TFDP2: variants seen among roughly 807,000 people sequenced by gnomAD.
The protein encoded by TFDP2 is transcription factor Dp-2, also known as transcription factor Dp-2 (E2F dimerization partner 2).
A neutral mutation model predicts 59.3 loss-of-function variants in TFDP2; 17 were observed. The observed-to-expected ratio is 0.29, with a 90% CI of 0.20 to 0.43. The LOEUF is 0.43. Ranked by LOEUF, TFDP2 falls within the 20% of genes least tolerant of loss-of-function variation. TFDP2 has a pLI of 1.00. For synonymous variants in TFDP2, 180 were observed against 194.7 expected, an observed-to-expected ratio of 0.92 and a Z score of 0.63; for missense variants, 391 against 528.8, an observed-to-expected ratio of 0.74 and a Z score of 2.56.
rs747400660 is a variant in TFDP2 at position 141,952,960 on chromosome 3, A to T, written c.1108T>A (p.Ser370Thr). 1.5e-5 allele frequency: 25 copies of T among 1,613,966 alleles called. No individual in the cohort carries two copies. The highest frequency in any genetic ancestry group is 1.7e-5 in the Non-Finnish European group (20 of 1,180,018). Reference sequence around the variant, plus strand: ...GTGGTCAGGTCTAAATTTGAAACTGATTGGGTAGAGTTCAGAAGTAGTCCC... The same window carrying T: ...GTGGTCAGGTCTAAATTTGAAACTGTTTGGGTAGAGTTCAGAAGTAGTCCC... Reference protein sequence around the residue: ...NQGLLLNSTQSVSNLDLTTGA... With the variant: ...NQGLLLNSTQTVSNLDLTTGA... The change falls in exon 12 of 13, where the codon TCA becomes ACA. Residue 370 changes from serine (S) to threonine (T), a missense_variant. Transcript: ENST00000489671.
intron 3 of TFDP2, among the ~76,000 whole-genome samples, chr3:142,017,938 T>TTTTATTTATTTATTTA (rs374321449): frequency 3.3e-5 from 5 of 151,294 alleles, no homozygotes; most frequent in South Asian, 2.1e-4. Context: ...TGCCTCAATA[T>TTTTATTTATTTATTTA]TTTATTTATT....
chr3:142,012,522 C>A (rs1407494104), intron 3 of TFDP2, among the ~76,000 whole-genome samples: 1 of 152,062 alleles, frequency 6.6e-6, no homozygotes, highest in Non-Finnish European at 1.5e-5. Context: ...TGGAGAAAAG[C>A]AAAGACCTAC....
chr3:142,074,830 C>T (rs943564425), intron 3 of TFDP2, among the ~76,000 whole-genome samples: 6 of 152,022 alleles, frequency 3.9e-5, no homozygotes, highest in South Asian at 2.1e-4. Flanking sequence ...CCAGCGTGGG[C>T]GACAGAGTGA....
chr3:142,111,411 G>C (rs2061655680), intron 1 of TFDP2, among the ~76,000 whole-genome samples: 1 of 131,340 alleles, frequency 7.6e-6, no homozygotes, highest in South Asian at 2.5e-4. Context: ...CTGGCCGACA[G>C]AGTTAGACTC....
rs890303783 is a variant in TFDP2, at chr3:141,945,178, G to C, written c.*7335C>G. The C allele has an allele frequency of 1.4e-4, 5 of 35,730 alleles. No homozygotes were observed. The highest frequency in any genetic ancestry group is 8.2e-4 in the African/African-American group (5 of 6,062). 2.2% of individuals were successfully genotyped at this position (35,730 alleles called of 1,614,324 possible). A position where few individuals can be genotyped will look rare whatever the true frequency, so the allele number is the denominator to read the frequency against. Reference sequence around the variant, plus strand: ...AATTTCGCTCTTGTTGCCCAGGCTGGAGTGCAAATGGCACGATCTCAGCTC... The same window carrying C: ...AATTTCGCTCTTGTTGCCCAGGCTGCAGTGCAAATGGCACGATCTCAGCTC... On this transcript the variant is annotated 3_prime_UTR_variant, in exon 13 of 13. Transcript: ENST00000489671.
At chr3:142,044,485 C>T (rs1388819067) in intron 3 of TFDP2, among the ~76,000 whole-genome samples, 2 of 152,088 alleles carry the variant, frequency 1.3e-5, no homozygotes, top group Non-Finnish European at 1.5e-5. Context: ...CTGCCCATCT[C>T]GGCTTCCCAA....
chr3:142,138,812 G>A (rs1469378724), intron 1 of TFDP2, among the ~76,000 whole-genome samples: 1 of 152,216 alleles, frequency 6.6e-6, no homozygotes, highest in Non-Finnish European at 1.5e-5. Context: ...TTTAGAATAA[G>A]TGTGATATGG....
At chr3:142,053,066 C>A (rs1173605658) in intron 3 of TFDP2, among the ~76,000 whole-genome samples, 1 of 152,190 alleles carries the variant, frequency 6.6e-6, no homozygotes, top group Non-Finnish European at 1.5e-5. Context: ...CCTCAGCCTC[C>A]CAAAGTGCTG....
At chr3:142,004,093 CT>C (rs1481579300) in intron 4 of TFDP2, among the ~76,000 whole-genome samples, 2 of 152,104 alleles carry the variant, frequency 1.3e-5, no homozygotes, top group Admixed American at 6.6e-5. Context: ...GGGGCAAATG[CT>C]TAGCAAATGT....
rs72990242 is a variant in TFDP2, at chr3:141,996,852, G to A, written c.187-1711C>T. ...AATGTTTATGAAATAGTTTCAATCC[G>A]TTCATTCCATAGTTTAAAAAAATAA... On this transcript the variant is annotated intron_variant, in intron 4 of 12. Coordinates refer to ENST00000489671, the MANE Select transcript of TFDP2 (RefSeq NM_001178139.2). 8.7e-3 allele frequency among the ~76,000 whole-genome samples: 1,324 copies of A among 152,190 alleles called. 21 individuals carry two copies. The highest frequency in any genetic ancestry group is 0.03 in the African/African-American group (1,232 of 41,530).
At position 142,093,139 on chromosome 3, in the gene TFDP2, C is replaced by A; in HGVS notation, c.16-12G>T. 1 of 1,525,456 alleles carries A rather than the reference C, an allele frequency of 6.6e-7. No individual in the cohort carries two copies. The highest frequency in any genetic ancestry group is 1.2e-5 in the South Asian group (1 of 80,460). The allele number at this position is 1,525,456 out of a possible 1,614,324, so 94.5% of individuals were successfully genotyped here. ...GAAGTCAAACCAACCTGAATAAAAC[C>A]GTTTAAAAAGTTAAAAATAGAATAT... is the stretch of plus-strand genomic sequence containing the variant. On this transcript the variant is annotated splice_polypyrimidine_tract_variant and intron_variant, in intron 2 of 12. Transcript: ENST00000489671.
chr3:142,074,344 G>A (rs973707423), intron 3 of TFDP2, among the ~76,000 whole-genome samples: 2 of 151,880 alleles, frequency 1.3e-5, no homozygotes, highest in African/African-American at 2.4e-5. Flanking sequence ...AGGAAGTGGA[G>A]GTTGAAGTGA....
At chr3:142,020,894 A>G (rs1463453650) in intron 3 of TFDP2, among the ~76,000 whole-genome samples, 1 of 152,016 alleles carries the variant, frequency 6.6e-6, no homozygotes, top group African/African-American at 2.4e-5. Flanking sequence ...CTGAGGCAAG[A>G]GGATCTCCTG....
chr3:142,129,647 C>G (rs1442931222), intron 1 of TFDP2, among the ~76,000 whole-genome samples: 2 of 152,094 alleles, frequency 1.3e-5, no homozygotes, highest in Non-Finnish European at 2.9e-5. Flanking sequence ...AAAAACTAGG[C>G]TCAAGTGATC....
rs1559959815 is a variant in TFDP2 at position 141,977,130 on chromosome 3, C to CTTTTT, written c.519+1389_519+1390insAAAAA. ...TATTTTTTTTTTTTTTTTTTTTTTC[C>CTTTTT]CCCCAAAGAGACGAAGTCTTGCTTT... On this transcript the variant is annotated intron_variant, in intron 7 of 12. Transcript: ENST00000489671. 3.4e-4 allele frequency among the ~76,000 whole-genome samples: 39 copies of CTTTTT among 113,282 alleles called. 1 individual carries two copies. The highest frequency in any genetic ancestry group is 7.1e-4 in the East Asian group (3 of 4,254). 74.3% of individuals were successfully genotyped at this position (113,282 alleles called of 152,430 possible).
At chr3:142,061,228 TACA>T (rs1427501194) in intron 3 of TFDP2, among the ~76,000 whole-genome samples, 3 of 152,214 alleles carry the variant, frequency 2.0e-5, no homozygotes, top group Non-Finnish European at 4.4e-5. Flanking sequence ...AGCTGCAAAC[TACA>T]ACAACGTTTT....
intron 3 of TFDP2, among the ~76,000 whole-genome samples, chr3:142,076,124 T>G (rs1450281919): frequency 6.7e-6 from 1 of 148,306 alleles, no homozygotes; most frequent in East Asian, 2.0e-4. Flanking sequence ...GGCAAGAGAA[T>G]CACTTGAACC....
At chr3:141,977,128 T>TC (rs10582248) in intron 7 of TFDP2, among the ~76,000 whole-genome samples, 9 of 110,774 alleles carry the variant, frequency 8.1e-5, no homozygotes, top group African/African-American at 1.9e-4. Context: ...TTTTTTTTTT[T>TC]CCCCCCAAAG....
chr3:141,948,536 C>T lies in TFDP2; in HGVS notation c.*3977G>A, dbSNP rs140447832. 5,383 of 134,956 alleles carry T rather than the reference C, an allele frequency of 0.04. 123 individuals are homozygous for T. The highest frequency in any genetic ancestry group is 0.097 in the South Asian group (378 of 3,908). The allele number at this position is 134,956 out of a possible 1,614,324, so 8.4% of individuals were successfully genotyped here. On this transcript the variant is annotated 3_prime_UTR_variant, in exon 13 of 13. Transcript: ENST00000489671. ...CCAGCCTGGCGACAGAGCAAGACTC[C>T]GTCTCAAAAAAAAAAAAAAGCTAAA...
Sources: allele counts gnomAD v4.1 joint callset (sites outside exome capture counted in the v4.1 genomes callset), GRCh38; gene constraint gnomAD v4.1.1; transcripts MANE v1.5; gene names NCBI Gene and HGNC (gene_info 2026-07-23, HGNC 2026-07-21).